The following ANKS1B variants were observed in gnomAD, a reference collection of about 807,000 sequenced individuals.
The protein encoded by ANKS1B is ankyrin repeat and sterile alpha motif domain-containing protein 1B.
A neutral mutation model predicts 148.3 loss-of-function variants in ANKS1B; 36 were observed. The observed-to-expected ratio is 0.24, with a 90% CI of 0.19 to 0.32. The LOEUF (loss-of-function observed/expected upper bound fraction) is 0.32, where lower values mean the gene tolerates loss of function less well. Among genes scored for constraint, ANKS1B ranks in the 10% least tolerant of loss-of-function variants. ANKS1B has a pLI of 1.00. For missense variants in ANKS1B, 1,157 were observed against 1,542.6 expected, an observed-to-expected ratio of 0.75 and a Z score of 4.19; for synonymous variants, 542 against 560.8, an observed-to-expected ratio of 0.97 and a Z score of 0.47.
intron 10 of ANKS1B, among the ~76,000 whole-genome samples, chr12:99,449,524 A>G (rs1594984285): frequency 6.6e-6 from 1 of 152,284 alleles, no homozygotes; most frequent in East Asian, 1.9e-4. Flanking sequence ...AAAAATGCAA[A>G]TGATTAACTA....
intron 9 of ANKS1B, among the ~76,000 whole-genome samples, chr12:99,612,963 G>C (rs780750280): frequency 6.6e-6 from 1 of 152,222 alleles, no homozygotes; most frequent in African/African-American, 2.4e-5. Flanking sequence ...TTAGCAAGCT[G>C]TCTAGTGATA....
At chr12:98,942,253 G>C (rs1468538970) in intron 17 of ANKS1B, among the ~76,000 whole-genome samples, 1 of 151,792 alleles carries the variant, frequency 6.6e-6, no homozygotes, top group Non-Finnish European at 1.5e-5. Flanking sequence ...TGGGAGGTGG[G>C]GGAGCGGGGG....
At chr12:99,833,320 A>G (rs924391651) in intron 1 of ANKS1B, among the ~76,000 whole-genome samples, 1 of 152,236 alleles carries the variant, frequency 6.6e-6, no homozygotes, top group Non-Finnish European at 1.5e-5. Context: ...GTGTTTTAGA[A>G]TAAGAGCTCT....
intron 9 of ANKS1B, among the ~76,000 whole-genome samples, chr12:99,610,952 C>T (rs1400636068): frequency 6.6e-6 from 1 of 151,876 alleles, no homozygotes; most frequent in East Asian, 1.9e-4. Flanking sequence ...CTCAAAAGTC[C>T]CCAAAGGTTC....
intron 1 of ANKS1B, among the ~76,000 whole-genome samples, chr12:99,901,132 A>AC (rs1331739772): frequency 1.3e-5 from 2 of 152,180 alleles, no homozygotes; most frequent in Admixed American, 1.3e-4. Context: ...TACCAAGAAA[A>AC]CCAAATGCTA....
At chr12:99,280,377 A>G (rs2078255269) in intron 12 of ANKS1B, among the ~76,000 whole-genome samples, 2 of 152,172 alleles carry the variant, frequency 1.3e-5, no homozygotes, top group Non-Finnish European at 2.9e-5. Flanking sequence ...TCTCTTCCTC[A>G]ACTGTCCTTT....
chr12:99,319,451 T>C (rs2084809283), intron 12 of ANKS1B, among the ~76,000 whole-genome samples: 1 of 152,238 alleles, frequency 6.6e-6, no homozygotes, highest in South Asian at 2.1e-4. Context: ...TTTTGATCTT[T>C]GTTGGTTTAA....
intron 11 of ANKS1B, among the ~76,000 whole-genome samples, chr12:99,404,634 T>C (rs1482026147): frequency 1.4e-5 from 2 of 145,376 alleles, no homozygotes; most frequent in Admixed American, 1.4e-4. Context: ...TAAAAAAGAA[T>C]GAATCATGGC....
intron 9 of ANKS1B, among the ~76,000 whole-genome samples, chr12:99,637,423 C>T (rs1421269552): frequency 6.6e-6 from 1 of 152,110 alleles, no homozygotes. Flanking sequence ...TACTGAATGT[C>T]AACTCGATTG....
intron 10 of ANKS1B, among the ~76,000 whole-genome samples, chr12:99,465,025 T>C (rs886509841): frequency 2.0e-5 from 3 of 152,098 alleles, no homozygotes; most frequent in African/African-American, 7.2e-5. Context: ...GGAAAAAGTG[T>C]TAAGGGCAGC....
chr12:99,608,523 A>C (rs2097869500), intron 9 of ANKS1B, among the ~76,000 whole-genome samples: 1 of 152,090 alleles, frequency 6.6e-6, no homozygotes, highest in Non-Finnish European at 1.5e-5. Flanking sequence ...TGTATTGAAA[A>C]CTGCAGCTCT....
At chr12:99,019,462 T>A (rs1030054385) in intron 17 of ANKS1B, among the ~76,000 whole-genome samples, 1 of 152,174 alleles carries the variant, frequency 6.6e-6, no homozygotes. Flanking sequence ...GATATTCAAA[T>A]GATCAAAGCA....
intron 10 of ANKS1B, among the ~76,000 whole-genome samples, chr12:99,452,021 A>G (rs989043261): frequency 6.6e-6 from 1 of 152,140 alleles, no homozygotes; most frequent in African/African-American, 2.4e-5. Flanking sequence ...CTAACAATTC[A>G]TGAAGCACAA....
At chr12:99,804,713 G>A (rs980569012) in intron 4 of ANKS1B, among the ~76,000 whole-genome samples, 17 of 152,006 alleles carry the variant, frequency 1.1e-4, no homozygotes, top group South Asian at 2.1e-4. Flanking sequence ...TACAATTCAC[G>A]CCCTCTTCTA....
intron 15 of ANKS1B, among the ~76,000 whole-genome samples, chr12:99,125,583 T>C (rs1010621123): frequency 6.6e-6 from 1 of 152,128 alleles, no homozygotes; most frequent in Non-Finnish European, 1.5e-5. Context: ...GTTCTGGGCA[T>C]GAATTGGTGC....
rs574559824 is a variant in ANKS1B at position 99,677,774 on chromosome 12, C to A, written c.1129-22564G>T. On this transcript the variant is annotated intron_variant, in intron 8 of 26. Transcript: ENST00000683438. ...AGATCACGAGGTCAGGAGATCGAGA[C>A]CAGCCTGGCTAACACCATGAAACCC... 5.0e-4 allele frequency among the ~76,000 whole-genome samples: 76 copies of A among 152,002 alleles called. 1 individual carries two copies. The highest frequency in any genetic ancestry group is 1.2e-3 in the Admixed American group (18 of 15,272).
chr12:99,421,542 A>G (rs12367181), intron 11 of ANKS1B, among the ~76,000 whole-genome samples: 39,277 of 151,762 alleles, frequency 0.26, 5,222 homozygotes, highest in East Asian at 0.44. Context: ...GGGAAAAAGA[A>G]GAGAAGATAC....
At chr12:99,406,451 G>A (rs2094534593) in intron 11 of ANKS1B, among the ~76,000 whole-genome samples, 1 of 145,390 alleles carries the variant, frequency 6.9e-6, no homozygotes, top group Non-Finnish European at 1.5e-5. Flanking sequence ...GAAATTAAGA[G>A]GGGAATTTAA....
rs2097828975 is a variant in ANKS1B at position 98,744,028 on chromosome 12, T to C, written c.*1711A>G. The C allele has an allele frequency of 1.0e-6, 1 of 983,610 alleles. No individual in the cohort carries two copies. Among genetic ancestry groups the C allele is most frequent in the South Asian group, 4.7e-5 (1 of 21,254 alleles). The allele number at this position is 983,610 out of a possible 1,614,324, so 60.9% of individuals were successfully genotyped here. A position where few individuals can be genotyped will look rare whatever the true frequency, so the allele number is the denominator to read the frequency against. ...TGCTTTTTTTATAGGATATAAATAA[T>C]GACAAAAATTACAAAATTTATAACT... On this transcript the variant is annotated 3_prime_UTR_variant, in exon 27 of 27. Transcript: ENST00000683438.
Sources: allele counts gnomAD v4.1 joint callset (sites outside exome capture counted in the v4.1 genomes callset), GRCh38; gene constraint gnomAD v4.1.1; transcripts MANE v1.5; gene names NCBI Gene and HGNC (gene_info 2026-07-23, HGNC 2026-07-21).